The following IL15 variants were observed in gnomAD, a reference collection of about 807,000 sequenced individuals.
IL15 encodes the protein interleukin-15.
IL15 carries 11 observed loss-of-function variants against 19.6 expected under a neutral mutation model. That is an observed-to-expected ratio of 0.56 (90% CI 0.35 to 0.93). The LOEUF (loss-of-function observed/expected upper bound fraction) is 0.93, where lower values mean the gene tolerates loss of function less well. IL15 is among the 40% of genes least tolerant of loss of function. The pLI is 0.01. For synonymous variants in IL15, 58 were observed against 59.6 expected, an observed-to-expected ratio of 0.97 and a Z score of 0.12; for missense variants, 197 against 186.5, an observed-to-expected ratio of 1.06 and a Z score of -0.33.
At chr4:141,704,465 C>T (rs1250992584) in intron 2 of IL15, 1 of 168,274 alleles carries the variant, frequency 5.9e-6, no homozygotes, top group Non-Finnish European at 1.3e-5. Context: ...TGTTAAGAAT[C>T]TTGTGTCTAT....
At chr4:141,647,522 G>T (rs1267549495) in intron 1 of IL15, among the ~76,000 whole-genome samples, 2 of 152,054 alleles carry the variant, frequency 1.3e-5, no homozygotes, top group Middle Eastern at 6.8e-3. Context: ...GATGGCTTAG[G>T]GTCACATAAG....
At chr4:141,676,516 C>T (rs1264156793) in intron 2 of IL15, among the ~76,000 whole-genome samples, 1 of 152,096 alleles carries the variant, frequency 6.6e-6, no homozygotes, top group Non-Finnish European at 1.5e-5. Context: ...GTCATAAGGA[C>T]TTTAAACTCA....
chr4:141,712,687 A>G (rs1273258465), intron 2 of IL15, among the ~76,000 whole-genome samples: 1 of 149,192 alleles, frequency 6.7e-6, no homozygotes, highest in Non-Finnish European at 1.5e-5. Flanking sequence ...TAGTGTTTCT[A>G]TATTTACCCA....
At chr4:141,695,169 AG>A (rs1265819316) in intron 2 of IL15, among the ~76,000 whole-genome samples, 1 of 151,242 alleles carries the variant, frequency 6.6e-6, no homozygotes, top group African/African-American at 2.4e-5. Context: ...ACCTGATGGC[AG>A]CCACCCCTAT....
intron 2 of IL15, among the ~76,000 whole-genome samples, chr4:141,673,980 G>T (rs889188241): frequency 8.5e-5 from 13 of 152,082 alleles, no homozygotes; most frequent in African/African-American, 3.1e-4. Flanking sequence ...GATCTTTTTT[G>T]TCTGGGTCTT....
At chr4:141,730,148 T>G (rs1200665957) in intron 7 of IL15, among the ~76,000 whole-genome samples, 164 bp downstream of exon 7, 1 of 152,136 alleles carries the variant, frequency 6.6e-6, no homozygotes, top group Non-Finnish European at 1.5e-5. Flanking sequence ...ATGCACACAA[T>G]GCTAAACTGT....
intron 2 of IL15, among the ~76,000 whole-genome samples, chr4:141,693,029 A>AAAAAAAAAAAAAAAAAT (rs1728971497): frequency 6.8e-6 from 1 of 146,526 alleles, no homozygotes; most frequent in African/African-American, 2.5e-5. Flanking sequence ...AAAAAAAAAA[A>AAAAAAAAAAAAAAAAAT]AAAAAAAAAA....
chr4:141,703,664 A>G (rs570015938), intron 2 of IL15, among the ~76,000 whole-genome samples: 128 of 150,428 alleles, frequency 8.5e-4, no homozygotes, highest in Non-Finnish European at 1.4e-3. Flanking sequence ...CACTTCTTTC[A>G]AAAGGTCTGT....
At chr4:141,688,574 A>C (rs1157906576) in intron 2 of IL15, among the ~76,000 whole-genome samples, 1 of 152,214 alleles carries the variant, frequency 6.6e-6, no homozygotes, top group Non-Finnish European at 1.5e-5. Context: ...AGAAAGGTTA[A>C]AGATTGTTGT....
Position 141,712,889 on chromosome 4 carries a change from G to T in IL15, c.-99-6477G>T, listed in dbSNP as rs185347103. 3.5e-3 allele frequency among the ~76,000 whole-genome samples: 532 copies of T among 151,564 alleles called. 4 individuals carry two copies. Among genetic ancestry groups the T allele is most frequent in the African/African-American group, 0.012 (512 of 41,378 alleles). The stretch of plus-strand genomic sequence containing the variant: ...AACTTAAAGGTGTTTCATTAAAAAA[G>T]ATACATATATTTATATACCTTTGTA... On this transcript the variant is annotated intron_variant, in intron 2 of 7. Transcript: ENST00000320650.
In IL15 at chr4:141,643,069, A is replaced by C. The variant is rs188050687; in HGVS notation, c.-222+6321A>C. ...ATAGTATTTTAGGGAAATTAGTTTG[A>C]GGTAGAATTTATTGAAGAAAAGACA... On this transcript the variant is annotated intron_variant, in intron 1 of 7. Transcript: ENST00000320650. Among the ~76,000 whole-genome samples the C allele has an allele frequency of 1.6e-3, 239 of 152,318 alleles. 2 individuals are homozygous for C. Among genetic ancestry groups the C allele is most frequent in the African/African-American group, 5.6e-3 (231 of 41,576 alleles).
chr4:141,694,159 T>A (rs898733230), intron 2 of IL15, among the ~76,000 whole-genome samples: 1 of 152,154 alleles, frequency 6.6e-6, no homozygotes, highest in Non-Finnish European at 1.5e-5. Context: ...TACAAGGAGA[T>A]GGAAGATGTG....
Position 141,670,596 on chromosome 4 carries a change from G to A in IL15, c.-100+14289G>A, listed in dbSNP as rs544326633. On this transcript the variant is annotated intron_variant, in intron 2 of 7. Coordinates refer to ENST00000320650, the MANE Select transcript of IL15 (RefSeq NM_000585.5). ...TATTGATTTTAAGTTTAACCAACAT[G>A]TTTTGCTTTTTACAACAGATTTATA... Among the ~76,000 whole-genome samples the A allele has an allele frequency of 5.3e-5, 8 of 152,166 alleles. No individual in the cohort carries two copies. The South Asian group carries it at 1.7e-3, about 32-fold the overall frequency.
At chr4:141,657,322 A>C (rs1727642649) in intron 2 of IL15, among the ~76,000 whole-genome samples, 1 of 152,186 alleles carries the variant, frequency 6.6e-6, no homozygotes, top group Non-Finnish European at 1.5e-5. Flanking sequence ...GGAATGTGAA[A>C]GCCTAGGACA....
chr4:141,683,336 CA>C (rs1261130542), intron 2 of IL15, among the ~76,000 whole-genome samples: 1 of 151,716 alleles, frequency 6.6e-6, no homozygotes, highest in Non-Finnish European at 1.5e-5. Flanking sequence ...TTTGGAAGGG[CA>C]AGGTGGGTGG....
intron 7 of IL15, among the ~76,000 whole-genome samples, chr4:141,731,140 A>T (rs1169738395): frequency 6.6e-6 from 1 of 152,106 alleles, no homozygotes; most frequent in Admixed American, 6.5e-5. Context: ...GGACACCTTG[A>T]CTTTTCTCTA....
intron 6 of IL15, among the ~76,000 whole-genome samples, chr4:141,729,231 G>T (rs1482031512): frequency 6.6e-6 from 1 of 152,028 alleles, no homozygotes; most frequent in Admixed American, 6.6e-5. Context: ...GTCAAATAAT[G>T]GTCAAATCCC....
chr4:141,646,630 C>T (rs920359284), intron 1 of IL15, among the ~76,000 whole-genome samples: 13 of 152,028 alleles, frequency 8.6e-5, no homozygotes, highest in Admixed American at 2.6e-4. Flanking sequence ...TATCATGTAA[C>T]GACCAAGCTT....
chr4:141,702,639 G>C (rs559969146), intron 2 of IL15, among the ~76,000 whole-genome samples: 1 of 152,332 alleles, frequency 6.6e-6, no homozygotes, highest in East Asian at 1.9e-4. Context: ...TCCTTCCTGA[G>C]AGCAGTGATA....
Sources: allele counts gnomAD v4.1 joint callset (sites outside exome capture counted in the v4.1 genomes callset), GRCh38; gene constraint gnomAD v4.1.1; transcripts MANE v1.5; gene names NCBI Gene and HGNC (gene_info 2026-07-23, HGNC 2026-07-21).